The following GJD4 variants were observed in gnomAD, a reference collection of about 807,000 sequenced individuals.
The protein encoded by GJD4 is gap junction delta-4 protein.
In GJD4, 18 loss-of-function variants were observed where a neutral mutation model predicts 17.9. The ratio of observed to expected loss-of-function variants is 1.00; its 90% CI spans 0.69 to 1.49. GJD4 has a LOEUF of 1.49. GJD4 is among the 40% of genes most tolerant of loss of function. GJD4 has a pLI of 0.00. For missense variants in GJD4, 639 were observed against 506.9 expected (o/e 1.26, Z -2.50); for synonymous variants, 293 against 236.8 (o/e 1.24, Z -2.18).
chr10:35,608,935 CAAAAAAA>C (rs3067572), downstream of GJD4: 3 of 58,436 alleles, frequency 5.1e-5, no homozygotes, highest in South Asian at 7.1e-4. Context: ...GAGACCCTGT[CAAAAAAA>C]AAAAAAAAAA....
chr10:35,608,120 G>A lies in GJD4; in HGVS notation c.607G>A (p.Ala203Thr), dbSNP rs372321157. 1 of 1,609,882 alleles carries A rather than the reference G, an allele frequency of 6.2e-7. No homozygotes were observed. ...GTCCCTGCTGATGCTGTTCCTCTGGGCGGTCAGCGCGCTGTCTTTTCTGCT... is the reference window on the plus strand; with the variant it reads ...GTCCCTGCTGATGCTGTTCCTCTGGACGGTCAGCGCGCTGTCTTTTCTGCT... ...EKSLLMLFLW[A>T]VSALSFLLGL... The change falls in exon 2 of 2, where the codon GCG becomes ACG. Residue 203 changes from alanine (A) to threonine (T), a missense_variant. By Grantham distance (58) the Ala-to-Thr change is moderately conservative. Coordinates refer to ENST00000321660, the MANE Select transcript of GJD4 (RefSeq NM_153368.3).
At position 35,605,863 on chromosome 10, in the gene GJD4, C is replaced by T. The variant is rs372032233; in HGVS notation, c.64+232C>T. On this transcript the variant is annotated intron_variant, in intron 1 of 1. Transcript: ENST00000321660. Reference sequence around the variant, plus strand: ...TCCTCCGTCATGTAAGGGAGTCTTGCGTTTGACATTGTTCTCTCACAGATC... The same window carrying T: ...TCCTCCGTCATGTAAGGGAGTCTTGTGTTTGACATTGTTCTCTCACAGATC... The T allele has an allele frequency of 1.2e-4, 69 of 564,272 alleles. No homozygotes were observed. In the African/African-American group the frequency reaches 1.2e-3, roughly 10 times the overall value. 35.0% of individuals were successfully genotyped at this position (564,272 alleles called of 1,614,324 possible). A position where few individuals can be genotyped will look rare whatever the true frequency, so the allele number is the denominator to read the frequency against.
chr10:35,605,759 C>G, intron 1 of GJD4, 128 bp downstream of exon 1: 1 of 714,420 alleles, frequency 1.4e-6, no homozygotes. Context: ...GAAAGTCCAC[C>G]CACTCCCAAA....
chr10:35,607,888 G>A lies in GJD4; in HGVS notation c.375G>A (p.Pro125=). 3.1e-6 allele frequency: 5 copies of A among 1,593,088 alleles called. No individual in the cohort carries two copies. Among genetic ancestry groups the A allele is most frequent in the Non-Finnish European group, 4.3e-6 (5 of 1,174,728 alleles). The change falls in exon 2 of 2, where the codon CCG becomes CCA. Residue 125 remains proline (P), a synonymous_variant. Transcript: ENST00000321660. ...CGGCCTCCGGGCAGAGACGCTGCCCGCGGCCATTCGGGGAGCGCGGCGGCC... is the reference window on the plus strand; with the variant it reads ...CGGCCTCCGGGCAGAGACGCTGCCCACGGCCATTCGGGGAGCGCGGCGGCC... ...REPASGQRRC[P]RPFGERGGLQ...
At chr10:35,605,738 A>G (rs627267) in intron 1 of GJD4, 107 bp downstream of exon 1, 818,536 of 868,854 alleles carry the variant, frequency 0.94, 386,661 homozygotes, top group East Asian at 0.97. Flanking sequence ...TCAGTGTGCA[A>G]GCACCAAGCT....
rs541782800 is a variant in GJD4, at chr10:35,606,753, T to C, written c.65-825T>C. 3.3e-5 allele frequency: 5 copies of C among 152,364 alleles called. No homozygotes were observed. In the East Asian group the frequency reaches 9.6e-4, roughly 29 times the overall value. The allele number at this position is 152,364 out of a possible 1,614,324, so 9.4% of individuals were successfully genotyped here. ...GTTTCGAAACAGTTGGCCGGTGCCATGAAAATAGGGCTTGACAGTTATTTT... is the reference window on the plus strand; with the variant it reads ...GTTTCGAAACAGTTGGCCGGTGCCACGAAAATAGGGCTTGACAGTTATTTT... On this transcript the variant is annotated intron_variant, in intron 1 of 1. Coordinates refer to ENST00000321660, the MANE Select transcript of GJD4 (RefSeq NM_153368.3).
In GJD4 at chr10:35,608,301, C is replaced by T. The variant is rs1215279158; in HGVS notation, c.788C>T (p.Pro263Leu). 3 of 1,548,246 alleles carry T rather than the reference C, an allele frequency of 1.9e-6. No homozygotes were observed. The highest frequency in any genetic ancestry group is 2.4e-5 in the East Asian group (1 of 41,618). ...EEGGREEEGA[P>L]APPGARAGGE... ...GGTGGGCGGGAGGAAGAGGGGGCAC[C>T]GGCGCCCCCGGGTGCACGCGCCGGA... is the stretch of plus-strand genomic sequence containing the variant. The change falls in exon 2 of 2, where the codon CCG becomes CTG. Residue 263 changes from proline (P) to leucine (L), a missense_variant. Coordinates refer to ENST00000321660, the MANE Select transcript of GJD4 (RefSeq NM_153368.3).
At position 35,607,706 on chromosome 10, in the gene GJD4, T is replaced by G. The variant is rs771828746; in HGVS notation, c.193T>G (p.Cys65Gly). ...NTLQPGCANV[C>G]YDVFSPVSHL... ...GCTGCAGCCGGGATGCGCCAATGTT[T>G]GCTACGACGTCTTCTCCCCCGTGTC... Residue 65 changes from cysteine (C) to glycine (G), a missense_variant, in exon 2 of 2, where the codon TGC becomes GGC. Coordinates refer to ENST00000321660, the MANE Select transcript of GJD4 (RefSeq NM_153368.3). 6.2e-7 allele frequency: 1 copy of G among 1,614,100 alleles called. No individual in the cohort carries two copies. Among genetic ancestry groups the G allele is most frequent in the East Asian group, 2.2e-5 (1 of 44,880 alleles).
Position 35,608,815 on chromosome 10 carries a change from G to A in GJD4, c.*189G>A. ...TAGCTGGGCACAGTGGCTCCCTCCTGTAGTCCCAGCTACTTGGGAGGCTGA... is the reference window on the plus strand; with the variant it reads ...TAGCTGGGCACAGTGGCTCCCTCCTATAGTCCCAGCTACTTGGGAGGCTGA... On this transcript the variant is annotated 3_prime_UTR_variant, in exon 2 of 2. Coordinates refer to ENST00000321660, the MANE Select transcript of GJD4 (RefSeq NM_153368.3). 2.0e-6 allele frequency: 1 copy of A among 489,786 alleles called. No individual in the cohort carries two copies. Among genetic ancestry groups the A allele is most frequent in the Non-Finnish European group, 3.5e-6 (1 of 282,398 alleles). The allele number at this position is 489,786 out of a possible 1,614,324, so 30.3% of individuals were successfully genotyped here.
intron 1 of GJD4, 174 bp from the exon 2 acceptor site, chr10:35,607,404 A>G (rs984844921): frequency 6.5e-6 from 4 of 619,434 alleles, no homozygotes; most frequent in African/African-American, 5.5e-5. Flanking sequence ...TGGGCAATAT[A>G]GCACGACCCT....
chr10:35,607,783 C>A lies in GJD4; in HGVS notation c.270C>A (p.Ala90=). ...GCGTGTGCGTCCTCCTCCCCTCCGC[C>A]GTCTTCAGCGTCTATGTCCTGCACC... ...IQGVCVLLPS[A]VFSVYVLHRG... Residue 90 remains alanine (A), a synonymous_variant, in exon 2 of 2, where the codon GCC becomes GCA. Coordinates refer to ENST00000321660, the MANE Select transcript of GJD4 (RefSeq NM_153368.3). 1 of 1,606,712 alleles carries A rather than the reference C, an allele frequency of 6.2e-7. No individual in the cohort carries two copies. Among genetic ancestry groups the A allele is most frequent in the Non-Finnish European group, 8.5e-7 (1 of 1,179,972 alleles).
chr10:35,607,792 C>T lies in GJD4; in HGVS notation c.279C>T (p.Ser93=), dbSNP rs141696199. Reference sequence around the variant, plus strand: ...TCCTCCTCCCCTCCGCCGTCTTCAGCGTCTATGTCCTGCACCGAGGAGCCA... The same window carrying T: ...TCCTCCTCCCCTCCGCCGTCTTCAGTGTCTATGTCCTGCACCGAGGAGCCA... ...VCVLLPSAVF[S]VYVLHRGATL... Residue 93 remains serine (S), a synonymous_variant, in exon 2 of 2, where the codon AGC becomes AGT. Transcript: ENST00000321660. The T allele has an allele frequency of 1.2e-5, 19 of 1,605,300 alleles. No individual in the cohort carries two copies. The highest frequency in any genetic ancestry group is 2.2e-5 in the East Asian group (1 of 44,878).
chr10:35,607,954 C>T lies in GJD4; in HGVS notation c.441C>T (p.Leu147=). 6.2e-7 allele frequency: 1 copy of T among 1,610,358 alleles called. No individual in the cohort carries two copies. The highest frequency in any genetic ancestry group is 8.5e-7 in the Non-Finnish European group (1 of 1,179,318). The change falls in exon 2 of 2, where the codon CTC becomes CTT. Residue 147 remains leucine, a synonymous_variant. Coordinates refer to ENST00000321660, the MANE Select transcript of GJD4 (RefSeq NM_153368.3). Reference sequence around the variant, plus strand: ...TTTCGGCCGGCTACATCATCCACCTCCTCCTCCGGACCCTGCTGGAGGCAG... The same window carrying T: ...TTTCGGCCGGCTACATCATCCACCTTCTCCTCCGGACCCTGCTGGAGGCAG... ...PDFSAGYIIH[L]LLRTLLEAAF... is the part of the protein sequence containing the mutation.
Position 35,608,556 on chromosome 10 carries a change from A to G in GJD4, c.1043A>G (p.Gln348Arg). ...GCGCCCCCTTCCTGCAGCAGCCTGC[A>G]GCCCCCTGACCCGCCTGCCAGCTCC... ...LAAPPSCSSLQPPDPPASSSG... is the reference protein window; with the variant it reads ...LAAPPSCSSLRPPDPPASSSG... Residue 348 changes from glutamine (Q) to arginine (R), a missense_variant, in exon 2 of 2, where the codon CAG (glutamine) becomes CGG (arginine). By Grantham distance (43) the Gln-to-Arg change is conservative. Transcript: ENST00000321660. 1.3e-6 allele frequency: 2 copies of G among 1,561,330 alleles called. No homozygotes were observed. The highest frequency in any genetic ancestry group is 1.7e-6 in the Non-Finnish European group (2 of 1,155,082).
rs1306898395 is a variant in GJD4, at chr10:35,608,495, G to T, written c.982G>T (p.Glu328Ter). 1 of 1,549,572 alleles carries T rather than the reference G, an allele frequency of 6.5e-7. No individual in the cohort carries two copies. The highest frequency in any genetic ancestry group is 8.7e-7 in the Non-Finnish European group (1 of 1,147,632). The change falls in exon 2 of 2, where the codon GAG (glutamate) becomes TAG (stop). Residue 328 changes from glutamate to a stop codon, truncating the protein, a stop_gained. Coordinates refer to ENST00000321660, the MANE Select transcript of GJD4 (RefSeq NM_153368.3). LOFTEE classifies it high-confidence loss of function. ...CCAGGACCCCAGGGGCTCAGGATCCGAGGAGCAGCCCTCAGCAGCCCCCAG... is the reference window on the plus strand; with the variant it reads ...CCAGGACCCCAGGGGCTCAGGATCCTAGGAGCAGCCCTCAGCAGCCCCCAG... ...AAQDPRGSGS[E>*]EQPSAAPSRL...
intron 1 of GJD4, chr10:35,605,908 G>A (rs1291076008): frequency 6.6e-6 from 3 of 452,934 alleles, no homozygotes; most frequent in Non-Finnish European, 1.2e-5. Flanking sequence ...TGACACTGGG[G>A]TGCTGACTCC....
At chr10:35,605,901 C>T in intron 1 of GJD4, 1 of 470,284 alleles carries the variant, frequency 2.1e-6, no homozygotes, top group East Asian at 3.7e-5. Flanking sequence ...CCTGTGCTGA[C>T]ACTGGGGTGC....
At position 35,607,849 on chromosome 10, in the gene GJD4, C is replaced by T. The variant is rs775642510; in HGVS notation, c.336C>T (p.Pro112=). Residue 112 remains proline, a synonymous_variant, in exon 2 of 2, where the codon CCC becomes CCT. Transcript: ENST00000321660. ...TLAALGPRRC[P]DPREPASGQR... ...CCGCGCTGGGCCCCCGCCGCTGCCCCGACCCCCGGGAGCCGGCCTCCGGGC... is the reference window on the plus strand; with the variant it reads ...CCGCGCTGGGCCCCCGCCGCTGCCCTGACCCCCGGGAGCCGGCCTCCGGGC... 2 of 1,599,712 alleles carry T rather than the reference C, an allele frequency of 1.3e-6. No individual in the cohort carries two copies. The highest frequency in any genetic ancestry group is 8.5e-7 in the Non-Finnish European group (1 of 1,178,288).
Position 35,607,849 on chromosome 10 carries a change from C to G in GJD4, c.336C>G (p.Pro112=), listed in dbSNP as rs775642510. The G allele has an allele frequency of 6.3e-7, 1 of 1,599,712 alleles. No individual in the cohort carries two copies. The highest frequency in any genetic ancestry group is 2.2e-5 in the East Asian group (1 of 44,716). Residue 112 remains proline, a synonymous_variant, in exon 2 of 2, where the codon CCC becomes CCG. Transcript: ENST00000321660. ...CCGCGCTGGGCCCCCGCCGCTGCCC[C>G]GACCCCCGGGAGCCGGCCTCCGGGC... The part of the protein sequence containing the change: ...TLAALGPRRC[P]DPREPASGQR...
Sources: allele counts gnomAD v4.1 joint callset, GRCh38; gene constraint gnomAD v4.1.1; transcripts MANE v1.5; gene names NCBI Gene and HGNC (gene_info 2026-07-23, HGNC 2026-07-21).